The following PDE3A variants were observed in gnomAD, a reference collection of about 807,000 sequenced individuals.
The protein encoded by PDE3A is phosphodiesterase 3A, also known as cGMP-inhibited 3',5'-cyclic phosphodiesterase 3A.
Under a neutral mutation model 98.3 loss-of-function variants are expected in PDE3A, and 43 were observed. The ratio of observed to expected loss-of-function variants is 0.44; its 90% CI spans 0.34 to 0.56. The LOEUF (loss-of-function observed/expected upper bound fraction) is 0.56. PDE3A is among the 20% of genes least tolerant of loss of function. The pLI is 0.01. For synonymous variants in PDE3A, 663 were observed against 567.9 expected (o/e 1.17, Z -2.38); for missense variants, 1,427 against 1,440.7 (o/e 0.99, Z 0.15).
chr12:20,410,710 G>A (rs971774135), intron 1 of PDE3A, among the ~76,000 whole-genome samples: 2 of 152,070 alleles, frequency 1.3e-5, no homozygotes, highest in African/African-American at 4.8e-5. Context: ...TTTAAAAGAC[G>A]CTGTTCATTA....
chr12:20,474,301 A>T (rs968031195), intron 1 of PDE3A, among the ~76,000 whole-genome samples: 1 of 152,122 alleles, frequency 6.6e-6, no homozygotes, highest in Non-Finnish European at 1.5e-5. Flanking sequence ...ATTTCATAAG[A>T]TTCCTTTACA....
chr12:20,623,985 A>T (rs1038097823), intron 5 of PDE3A, among the ~76,000 whole-genome samples: 1 of 152,156 alleles, frequency 6.6e-6, no homozygotes, highest in African/African-American at 2.4e-5. Flanking sequence ...TAAGGACAGA[A>T]CTAAAATTTC....
intron 1 of PDE3A, among the ~76,000 whole-genome samples, chr12:20,540,723 C>T (rs1941874402): frequency 6.6e-6 from 1 of 151,720 alleles, no homozygotes; most frequent in Admixed American, 6.6e-5. Flanking sequence ...TAAATTTCTC[C>T]ACAAGTAATA....
Position 20,681,528 on chromosome 12 carries a change from G to A in PDE3A, c.*1257G>A, listed in dbSNP as rs1166967579. The A allele has an allele frequency of 6.6e-6, 1 of 152,336 alleles. No individual in the cohort carries two copies. Among genetic ancestry groups the A allele is most frequent in the South Asian group, 2.1e-4 (1 of 4,828 alleles). The allele number at this position is 152,336 out of a possible 1,614,324, so 9.4% of individuals were successfully genotyped here. The stretch of plus-strand genomic sequence containing the variant: ...GGGTTTTTGTGTTGACATAGGAAAA[G>A]CCTGATTCTTGGCAACTGTTGTAGT... On this transcript the variant is annotated 3_prime_UTR_variant, in exon 16 of 16. Transcript: ENST00000359062.
Position 20,386,142 on chromosome 12 carries a change from AATAT to A in PDE3A, c.960+15906_960+15909del, listed in dbSNP as rs1174167635. Among the ~76,000 whole-genome samples, 11 of 28,056 alleles carry A rather than the reference AATAT, an allele frequency of 3.9e-4. No homozygotes were observed. The East Asian group carries it at 0.018, about 47-fold the overall frequency. The allele number at this position is 28,056 out of a possible 152,430, so 18.4% of individuals were successfully genotyped here. ...ATATAAATATATATAAATATATATA[AATAT>A]ATATATAAATATATATAAATATATA... is the stretch of plus-strand genomic sequence containing the variant. On this transcript the variant is annotated intron_variant, in intron 1 of 15. Transcript: ENST00000359062.
chr12:20,446,416 G>C (rs10743375), intron 1 of PDE3A, among the ~76,000 whole-genome samples: 16 of 152,140 alleles, frequency 1.1e-4, no homozygotes, highest in Non-Finnish European at 2.1e-4. Flanking sequence ...TTATGTGTTA[G>C]ATTTCATGGT....
intron 1 of PDE3A, among the ~76,000 whole-genome samples, chr12:20,378,920 T>C (rs961431199): frequency 3.3e-5 from 5 of 151,736 alleles, no homozygotes; most frequent in African/African-American, 1.2e-4. Flanking sequence ...TCCCTCCGAA[T>C]GTGTTTAAAA....
intron 15 of PDE3A, among the ~76,000 whole-genome samples, chr12:20,664,258 C>A (rs934120193): frequency 2.6e-5 from 4 of 152,258 alleles, no homozygotes; most frequent in African/African-American, 9.6e-5. Context: ...TGGACTAATA[C>A]ACCAGGGAAA....
In PDE3A at chr12:20,686,545, T is replaced by C. The variant is rs1252386730; in HGVS notation, c.*6274T>C. On this transcript the variant is annotated 3_prime_UTR_variant, in exon 16 of 16. Transcript: ENST00000359062. ...TAATAAAAAATTAATAACAAAACTT[T>C]GTAAGCCTTAATGGTTTAATATTTC... 1.3e-5 allele frequency among the ~76,000 whole-genome samples: 2 copies of C among 152,168 alleles called. No individual in the cohort carries two copies. Among genetic ancestry groups the C allele is most frequent in the Non-Finnish European group, 2.9e-5 (2 of 68,008 alleles).
intron 1 of PDE3A, among the ~76,000 whole-genome samples, chr12:20,463,611 G>A (rs533279969): frequency 1.3e-5 from 2 of 152,218 alleles, no homozygotes; most frequent in South Asian, 4.1e-4. Context: ...GAGCTACAAG[G>A]ATGTATAGCT....
chr12:20,370,969 T>A (rs1199951844), intron 1 of PDE3A, among the ~76,000 whole-genome samples: 2 of 152,214 alleles, frequency 1.3e-5, no homozygotes, highest in Admixed American at 6.5e-5. Flanking sequence ...CGTTTTAGTG[T>A]CAACTAAAAA....
Position 20,666,105 on chromosome 12 carries a change from C to T in PDE3A, c.3184+11900C>T, listed in dbSNP as rs73238459. On this transcript the variant is annotated intron_variant, in intron 15 of 15. Transcript: ENST00000359062. Reference sequence around the variant, plus strand: ...GCCTCAGCCCCCCAAGTAGCTAGGACAGGCATATGCCACCATGCCCGGCTA... The same window carrying T: ...GCCTCAGCCCCCCAAGTAGCTAGGATAGGCATATGCCACCATGCCCGGCTA... 6.9e-3 allele frequency among the ~76,000 whole-genome samples: 1,048 copies of T among 151,764 alleles called. 5 individuals are homozygous for T. Among genetic ancestry groups the T allele is most frequent in the African/African-American group, 0.024 (1,013 of 41,386 alleles).
At chr12:20,469,317 CTTCTGAACTTCATTCCTTACTT>C (rs1317497935) in intron 1 of PDE3A, among the ~76,000 whole-genome samples, 2 of 152,074 alleles carry the variant, frequency 1.3e-5, no homozygotes, top group Admixed American at 1.3e-4. Context: ...TTTTGCCTGC[CTTCTGAACTTCATTCCTTACTT>C]TTATTATGTT....
intron 14 of PDE3A, among the ~76,000 whole-genome samples, chr12:20,651,819 C>T (rs937832476): frequency 6.6e-6 from 1 of 152,222 alleles, no homozygotes; most frequent in Admixed American, 6.5e-5. Flanking sequence ...GCACAACGTG[C>T]AGGTTTGTTA....
intron 1 of PDE3A, among the ~76,000 whole-genome samples, chr12:20,429,394 A>C (rs1591922718): frequency 6.6e-6 from 1 of 152,120 alleles, no homozygotes; most frequent in East Asian, 1.9e-4. Flanking sequence ...GTTCCCTGGG[A>C]GAGTGCTGCA....
rs182471717 is a variant in PDE3A, at chr12:20,625,001, T to C, written c.1540+3590T>C. The stretch of plus-strand genomic sequence containing the variant: ...GGAAACATGTAGCAGCAATAGGCAA[T>C]GAGGCGGAGGGAAAGCGAGTATGAA... On this transcript the variant is annotated intron_variant, in intron 5 of 15. Coordinates refer to ENST00000359062, the MANE Select transcript of PDE3A (RefSeq NM_000921.5). Among the ~76,000 whole-genome samples the C allele has an allele frequency of 1.7e-3, 258 of 152,234 alleles. 2 individuals carry two copies. The highest frequency in any genetic ancestry group is 6.0e-3 in the African/African-American group (249 of 41,550).
At chr12:20,471,178 G>C (rs1295681275) in intron 1 of PDE3A, among the ~76,000 whole-genome samples, 1 of 151,448 alleles carries the variant, frequency 6.6e-6, no homozygotes, top group Non-Finnish European at 1.5e-5. Flanking sequence ...CAGTTCTGGA[G>C]ACCAGCCTAG....
rs1412573322 is a variant in PDE3A, at chr12:20,603,880, A to T, written c.1012-9563A>T. Among the ~76,000 whole-genome samples the T allele has an allele frequency of 2.0e-5, 3 of 152,150 alleles. No individual in the cohort carries two copies. The East Asian group carries it at 5.8e-4, about 29-fold the overall frequency. ...TTAGAGAGGAGACAAGAGCTAAAGA[A>T]ATAAAATGAGCCAGGCATGGTGGCT... is the stretch of plus-strand genomic sequence containing the variant. On this transcript the variant is annotated intron_variant, in intron 2 of 15. Coordinates refer to ENST00000359062, the MANE Select transcript of PDE3A (RefSeq NM_000921.5).
At chr12:20,422,938 G>T (rs1379783668) in intron 1 of PDE3A, among the ~76,000 whole-genome samples, 1 of 152,060 alleles carries the variant, frequency 6.6e-6, no homozygotes, top group Non-Finnish European at 1.5e-5. Context: ...TATCTAATTT[G>T]TTATATTATG....
Sources: allele counts gnomAD v4.1 joint callset (sites outside exome capture counted in the v4.1 genomes callset), GRCh38; gene constraint gnomAD v4.1.1; transcripts MANE v1.5; gene names NCBI Gene and HGNC (gene_info 2026-07-23, HGNC 2026-07-21).